ZNF727: variants seen among roughly 807,000 people sequenced by gnomAD.
ZNF727 encodes the protein putative zinc finger protein 727.
ZNF727 carries 11 observed loss-of-function variants against 11.5 expected under a neutral mutation model. The ratio of observed to expected loss-of-function variants is 0.95; its 90% CI spans 0.60 to 1.58. The LOEUF (loss-of-function observed/expected upper bound fraction) is 1.58, where lower values mean the gene tolerates loss of function less well. Among genes scored for constraint, ZNF727 ranks in the 40% most tolerant of loss-of-function variants. The probability of loss-of-function intolerance (pLI) is 0.00; values close to 1 mark genes in which losing one functional copy is unlikely to be tolerated. For synonymous variants in ZNF727, 171 were observed against 196.1 expected (o/e 0.87, Z 1.07); for missense variants, 533 against 581.7 (o/e 0.92, Z 0.86).
rs1785844534 is a variant in ZNF727 at position 64,084,557 on chromosome 7, C to A, written c.*6008C>A. 6.6e-6 allele frequency among the ~76,000 whole-genome samples: 1 copy of A among 152,058 alleles called. No individual in the cohort carries two copies. The highest frequency in any genetic ancestry group is 2.4e-5 in the African/African-American group (1 of 41,400). The stretch of plus-strand genomic sequence containing the variant: ...TACCATAATTTGGAGAATATGATTC[C>A]TACAAATTAACATTTTTGTTTTTCT... On this transcript the variant is annotated 3_prime_UTR_variant, in exon 4 of 4. Transcript: ENST00000456806.
At position 64,085,029 on chromosome 7, in the gene ZNF727, T is replaced by TG. The variant is rs397941481; in HGVS notation, c.*6481dup. On this transcript the variant is annotated 3_prime_UTR_variant, in exon 4 of 4. Coordinates refer to ENST00000456806, the MANE Select transcript of ZNF727 (RefSeq NM_001159522.3). Reference sequence around the variant, plus strand: ...AATCATCTTTTGCAAATTCTTTTTTTGTTTGTTTGTCTGTTTTCTTGTTGT... The same window carrying TG: ...AATCATCTTTTGCAAATTCTTTTTTTGGTTTGTTTGTCTGTTTTCTTGTTGT... Among the ~76,000 whole-genome samples, 2 of 151,848 alleles carry TG rather than the reference T, an allele frequency of 1.3e-5. No individual in the cohort carries two copies. Among genetic ancestry groups the TG allele is most frequent in the Non-Finnish European group, 2.9e-5 (2 of 67,922 alleles).
At chr7:64,076,979 T>C (rs1785676475) in intron 3 of ZNF727, among the ~76,000 whole-genome samples, 1 of 152,186 alleles carries the variant, frequency 6.6e-6, no homozygotes, top group Non-Finnish European at 1.5e-5. Context: ...TTTAAAGTCA[T>C]CATGGGATGA....
intron 1 of ZNF727, among the ~76,000 whole-genome samples, chr7:64,056,284 G>GGCA (rs1339816540): frequency 6.6e-6 from 1 of 152,082 alleles, no homozygotes; most frequent in Non-Finnish European, 1.5e-5. Context: ...GTTTGATAAG[G>GGCA]CTATGTACGA....
intron 1 of ZNF727, among the ~76,000 whole-genome samples, chr7:64,067,808 G>A (rs1192004681): frequency 2.0e-5 from 3 of 152,084 alleles, no homozygotes; most frequent in African/African-American, 4.8e-5. Flanking sequence ...AAACCTCGAC[G>A]ACAGGTTGAT....
chr7:64,045,772 T>G, intron 1 of ZNF727, 148 bp downstream of exon 1: 1 of 1,067,580 alleles, frequency 9.4e-7, no homozygotes, highest in Non-Finnish European at 1.4e-6. Flanking sequence ...CTTCCCTCCG[T>G]CGCAGATTAG....
In ZNF727 at chr7:64,080,462, T is replaced by G. The variant is rs1163699129; in HGVS notation, c.*1913T>G. Among the ~76,000 whole-genome samples the G allele has an allele frequency of 2.0e-5, 3 of 152,184 alleles. No individual in the cohort carries two copies. The highest frequency in any genetic ancestry group is 7.2e-5 in the African/African-American group (3 of 41,448). Reference sequence around the variant, plus strand: ...CTTCTATTAACACTTGTGATTACATTATAAAGGTTTTGTATTGTGTTTTTC... The same window carrying G: ...CTTCTATTAACACTTGTGATTACATGATAAAGGTTTTGTATTGTGTTTTTC... On this transcript the variant is annotated 3_prime_UTR_variant, in exon 4 of 4. Transcript: ENST00000456806.
At chr7:64,069,385 C>CA in intron 2 of ZNF727, 129 bp from the exon 3 acceptor site, 1 of 852,916 alleles carries the variant, frequency 1.2e-6, no homozygotes, top group East Asian at 2.7e-5. Flanking sequence ...GTTTCTGTTA[C>CA]AAAACAGTAG....
At chr7:64,058,825 A>G (rs1258852886) in intron 1 of ZNF727, among the ~76,000 whole-genome samples, 1 of 152,228 alleles carries the variant, frequency 6.6e-6, no homozygotes, top group Non-Finnish European at 1.5e-5. Context: ...GATTATACCT[A>G]CGTCTACATC....
chr7:64,078,957 A>G lies in ZNF727; in HGVS notation c.*408A>G, dbSNP rs1343185041. Among the ~76,000 whole-genome samples the G allele has an allele frequency of 6.9e-6, 1 of 145,684 alleles. No homozygotes were observed. Among genetic ancestry groups the G allele is most frequent in the Admixed American group, 6.8e-5 (1 of 14,736 alleles). On this transcript the variant is annotated 3_prime_UTR_variant, in exon 4 of 4. Coordinates refer to ENST00000456806, the MANE Select transcript of ZNF727 (RefSeq NM_001159522.3). The stretch of plus-strand genomic sequence containing the variant: ...ATGTGGATCTCGGCCCTTAGAAAAC[A>G]TAAGAGAATTCATACTGGAGAGACA...
In ZNF727 at chr7:64,078,964, A is replaced by G. The variant is rs1023961609; in HGVS notation, c.*415A>G. ...TCTCGGCCCTTAGAAAACATAAGAG[A>G]ATTCATACTGGAGAGACACCCTACA... On this transcript the variant is annotated 3_prime_UTR_variant, in exon 4 of 4. Transcript: ENST00000456806. Among the ~76,000 whole-genome samples the G allele has an allele frequency of 6.6e-6, 1 of 151,074 alleles. No individual in the cohort carries two copies. The highest frequency in any genetic ancestry group is 2.4e-5 in the African/African-American group (1 of 40,988).
intron 3 of ZNF727, among the ~76,000 whole-genome samples, chr7:64,076,593 C>A (rs1193373738): frequency 7.4e-5 from 11 of 148,970 alleles, no homozygotes; most frequent in African/African-American, 2.5e-4. Context: ...GAATTTGTCT[C>A]AAAAAAAAAA....
rs539939961 is a variant in ZNF727, at chr7:64,063,659, TTCAG to T, written c.4-5226_4-5223del. On this transcript the variant is annotated intron_variant, in intron 1 of 3. Coordinates refer to ENST00000456806, the MANE Select transcript of ZNF727 (RefSeq NM_001159522.3). The stretch of plus-strand genomic sequence containing the variant: ...ATGTTCACTCAAGAACCAAGTTCTC[TTCAG>T]TCAGTAGTTGGTGGATCAAGCCAGG... 4.1e-4 allele frequency among the ~76,000 whole-genome samples: 63 copies of T among 152,108 alleles called. 1 individual carries two copies. The highest frequency in any genetic ancestry group is 3.4e-3 in the Middle Eastern group (1 of 294).
At chr7:64,048,202 A>G (rs1364023684) in intron 1 of ZNF727, among the ~76,000 whole-genome samples, 2 of 152,246 alleles carry the variant, frequency 1.3e-5, no homozygotes, top group African/African-American at 2.4e-5. Flanking sequence ...AAAAAACCAC[A>G]AATGTTTTCT....
Position 64,078,673 on chromosome 7 carries a change from G to T in ZNF727, c.*124G>T. 1 of 1,317,912 alleles carries T rather than the reference G, an allele frequency of 7.6e-7. No homozygotes were observed. Among genetic ancestry groups the T allele is most frequent in the Non-Finnish European group, 1.1e-6 (1 of 919,722 alleles). 81.6% of individuals were successfully genotyped at this position (1,317,912 alleles called of 1,614,324 possible). On this transcript the variant is annotated 3_prime_UTR_variant, in exon 4 of 4. Coordinates refer to ENST00000456806, the MANE Select transcript of ZNF727 (RefSeq NM_001159522.3). ...AAACCCTACATTTGTGAAGAATGTG[G>T]CAAAGCCTTTATCCGCTCCTCAACC...
chr7:64,066,391 AC>A (rs1435449427), intron 1 of ZNF727, among the ~76,000 whole-genome samples: 1 of 152,210 alleles, frequency 6.6e-6, no homozygotes, highest in Non-Finnish European at 1.5e-5. Context: ...ATGCTACCTG[AC>A]TTCAAACTAT....
rs1785802173 is a variant in ZNF727, at chr7:64,082,073, C to T, written c.*3524C>T. On this transcript the variant is annotated 3_prime_UTR_variant, in exon 4 of 4. Coordinates refer to ENST00000456806, the MANE Select transcript of ZNF727 (RefSeq NM_001159522.3). The stretch of plus-strand genomic sequence containing the variant: ...GACTGGCCCTCTCTCCTTGGGTAAA[C>T]TACAGCTCGTTTGAGGTGTGAATAA... Among the ~76,000 whole-genome samples the T allele has an allele frequency of 6.6e-6, 1 of 152,120 alleles. No homozygotes were observed. Among genetic ancestry groups the T allele is most frequent in the South Asian group, 2.1e-4 (1 of 4,820 alleles).
chr7:64,057,552 G>C (rs1378630646), intron 1 of ZNF727, among the ~76,000 whole-genome samples: 1 of 152,060 alleles, frequency 6.6e-6, no homozygotes, highest in Non-Finnish European at 1.5e-5. Context: ...CCTGGGGCCT[G>C]TCAGGGGGCG....
chr7:64,084,998 A>G lies in ZNF727; in HGVS notation c.*6449A>G, dbSNP rs984895967. 1.4e-5 allele frequency among the ~76,000 whole-genome samples: 2 copies of G among 146,516 alleles called. No individual in the cohort carries two copies. The highest frequency in any genetic ancestry group is 2.5e-5 in the African/African-American group (1 of 40,126). ...TTTATCTGAAATGTTATTGCTCCTG[A>G]CTTAGAATCATCTTTTGCAAATTCT... On this transcript the variant is annotated 3_prime_UTR_variant, in exon 4 of 4. Transcript: ENST00000456806.
At chr7:64,057,417 G>A (rs367570081) in intron 1 of ZNF727, among the ~76,000 whole-genome samples, 7 of 152,264 alleles carry the variant, frequency 4.6e-5, no homozygotes, top group African/African-American at 1.2e-4. Context: ...GGACATGGAT[G>A]GAGCTGGAAG....
Sources: allele counts gnomAD v4.1 joint callset (sites outside exome capture counted in the v4.1 genomes callset), GRCh38; gene constraint gnomAD v4.1.1; transcripts MANE v1.5; gene names NCBI Gene and HGNC (gene_info 2026-07-23, HGNC 2026-07-21).